Variants in KYNU observed in about 807,000 individuals in gnomAD.
KYNU encodes kynureninase.
KYNU carries 54 observed loss-of-function variants against 59.2 expected under a neutral mutation model. The ratio of observed to expected loss-of-function variants is 0.91; its 90% confidence interval spans 0.73 to 1.14. KYNU has a LOEUF of 1.14. KYNU is among the 50% of genes most tolerant of loss of function. The pLI, the probability that KYNU is intolerant of heterozygous loss-of-function variation, is 0.00. For synonymous variants in KYNU, 177 were observed against 192.0 expected, an observed-to-expected ratio of 0.92 and a Z score of 0.65; for missense variants, 567 against 554.4, an observed-to-expected ratio of 1.02 and a Z score of -0.23.
chr2:143,009,699 A>C (rs1686029293), intron 10 of KYNU, among the ~76,000 whole-genome samples: 1 of 99,406 alleles, frequency 1.0e-5, no homozygotes, highest in Non-Finnish European at 1.8e-5. Context: ...GCACATCAAA[A>C]AGCTTATCCA....
rs1278323246 is a variant in KYNU at position 142,885,372 on chromosome 2, A to G, written c.5A>G (p.Glu2Gly). 6.2e-7 allele frequency: 1 copy of G among 1,613,656 alleles called. No individual in the cohort carries two copies. The highest frequency in any genetic ancestry group is 1.3e-5 in the African/African-American group (1 of 74,884). The change falls in exon 2 of 14, where the codon GAG (glutamate) becomes GGG (glycine). Residue 2 changes from glutamate (E) to glycine (G), a missense_variant. Physicochemically the swap from Glu to Gly is moderately conservative, Grantham distance 98. Coordinates refer to ENST00000264170, the MANE Select transcript of KYNU (RefSeq NM_003937.3). M[E>G]PSSLELPADT... ...AGTTTTAGAGAACAACTTGTAATGG[A>G]GCCTTCATCTCTTGAGCTGCCGGCT...
chr2:143,030,249 C>T (rs542707364), intron 11 of KYNU, among the ~76,000 whole-genome samples: 2 of 152,290 alleles, frequency 1.3e-5, no homozygotes, highest in African/African-American at 4.8e-5. Flanking sequence ...CCTTTTGTGG[C>T]TTTTGCCATG....
intron 9 of KYNU, among the ~76,000 whole-genome samples, chr2:142,985,413 A>G (rs548281647): frequency 3.3e-5 from 5 of 152,024 alleles, no homozygotes; most frequent in African/African-American, 1.2e-4. Context: ...CTTGGCTGCT[A>G]TGAAAAAGTC....
intron 10 of KYNU, among the ~76,000 whole-genome samples, chr2:143,007,710 C>T (rs1336209650): frequency 9.9e-5 from 12 of 121,472 alleles, no homozygotes; most frequent in African/African-American, 1.5e-4. Flanking sequence ...GCGGATCTCT[C>T]GGCAGAAACC....
At chr2:142,984,468 A>G (rs941386286) in intron 8 of KYNU, among the ~76,000 whole-genome samples, 1 of 152,058 alleles carries the variant, frequency 6.6e-6, no homozygotes, top group Admixed American at 6.6e-5. Flanking sequence ...ACACATGTGA[A>G]TCGTCATTGT....
chr2:142,907,046 G>T (rs968864982), intron 2 of KYNU, among the ~76,000 whole-genome samples: 1 of 152,162 alleles, frequency 6.6e-6, no homozygotes, highest in Non-Finnish European at 1.5e-5. Context: ...CCAATTCTAA[G>T]GTAGAGGACA....
chr2:143,024,524 T>C (rs1249504654), intron 10 of KYNU, among the ~76,000 whole-genome samples: 1 of 151,700 alleles, frequency 6.6e-6, no homozygotes, highest in Non-Finnish European at 1.5e-5. Context: ...AGCATTCATG[T>C]ATCATGTTTT....
At chr2:142,951,867 C>T (rs966301932) in intron 4 of KYNU, among the ~76,000 whole-genome samples, 1 of 152,110 alleles carries the variant, frequency 6.6e-6, no homozygotes, top group Non-Finnish European at 1.5e-5. Context: ...GGATTATTTA[C>T]AAAGAATTGG....
chr2:142,912,941 T>C (rs1008369442), intron 2 of KYNU, among the ~76,000 whole-genome samples: 1 of 150,944 alleles, frequency 6.6e-6, no homozygotes, highest in Admixed American at 6.6e-5. Context: ...CTCCATCTCC[T>C]GACCTCGTGA....
chr2:142,960,512 A>G, intron 7 of KYNU, 112 bp from the exon 8 acceptor site: 1 of 953,948 alleles, frequency 1.0e-6, no homozygotes, highest in Non-Finnish European at 1.5e-6. Flanking sequence ...TAATCTGAAA[A>G]AAAAAACTAT....
intron 2 of KYNU, among the ~76,000 whole-genome samples, chr2:142,910,571 A>G (rs1189408971): frequency 6.6e-6 from 1 of 152,046 alleles, no homozygotes; most frequent in Non-Finnish European, 1.5e-5. Flanking sequence ...GAAGCTCTTT[A>G]GTTTAATTAG....
chr2:142,932,948 C>T (rs1310049278), intron 4 of KYNU, among the ~76,000 whole-genome samples: 1 of 152,080 alleles, frequency 6.6e-6, no homozygotes, highest in Non-Finnish European at 1.5e-5. Context: ...CAGGTAAGAG[C>T]ATGGCTGGGT....
chr2:142,940,191 C>CA (rs952382748), intron 4 of KYNU, among the ~76,000 whole-genome samples: 2 of 152,212 alleles, frequency 1.3e-5, no homozygotes, highest in Middle Eastern at 3.4e-3. Flanking sequence ...AATATGTAAA[C>CA]AAAAAAACTG....
chr2:143,011,751 A>C (rs1686105140), intron 10 of KYNU, among the ~76,000 whole-genome samples: 1 of 108,810 alleles, frequency 9.2e-6, no homozygotes, highest in Non-Finnish European at 1.8e-5. Context: ...TGATGAGTTC[A>C]TGTCCTTTGT....
chr2:142,982,789 T>C (rs1200996860), intron 8 of KYNU, among the ~76,000 whole-genome samples: 1 of 152,092 alleles, frequency 6.6e-6, no homozygotes, highest in African/African-American at 2.4e-5. Flanking sequence ...TATCAAAGTA[T>C]GCATATTTTG....
intron 11 of KYNU, 88 bp downstream of exon 11, chr2:143,029,767 C>T (rs975469607): frequency 1.4e-5 from 11 of 803,114 alleles, no homozygotes; most frequent in Non-Finnish European, 2.2e-5. Context: ...AATGTATATG[C>T]CCCAGGGAGA....
chr2:143,002,392 G>T (rs1685729947), intron 10 of KYNU, among the ~76,000 whole-genome samples: 1 of 152,112 alleles, frequency 6.6e-6, no homozygotes, highest in South Asian at 2.1e-4. Flanking sequence ...TTTACTCTTC[G>T]TGTAGTCCCT....
rs74672490 is a variant in KYNU, at chr2:142,914,848, A to G, written c.170-3761A>G. Among the ~76,000 whole-genome samples the G allele has an allele frequency of 9.8e-3, 1,487 of 152,306 alleles. 21 individuals carry two copies. The highest frequency in any genetic ancestry group is 0.035 in the African/African-American group (1,434 of 41,550). On this transcript the variant is annotated intron_variant, in intron 2 of 13. Transcript: ENST00000264170. The stretch of plus-strand genomic sequence containing the variant: ...TGAGGGCAGCCATGTTGCCAGGCAC[A>G]TGTGGGGACAAGAGGAAGACAAGGG...
chr2:142,927,729 A>T lies in KYNU; in HGVS notation c.361A>T (p.Lys121Ter). The change falls in exon 4 of 14, where the codon AAG (lysine) becomes TAG (stop). Residue 121 changes from lysine (K) to a stop codon, truncating the protein, a stop_gained. Coordinates refer to ENST00000264170, the MANE Select transcript of KYNU (RefSeq NM_003937.3). LOFTEE classifies it high-confidence loss of function. ...AGATGAGAGTATTGTAGGCCTTATG[A>T]AGGACATTGTAGGTAAGTACAAAAC... ...TGDESIVGLMKDIVGANEKEI... is the reference protein window; with the variant it reads ...TGDESIVGLM 6.2e-7 allele frequency: 1 copy of T among 1,610,060 alleles called. No individual in the cohort carries two copies. Among genetic ancestry groups the T allele is most frequent in the East Asian group, 2.2e-5 (1 of 44,762 alleles).
Sources: gnomAD v4.1 joint callset for allele counts (sites outside exome capture counted in the v4.1 genomes callset) on GRCh38, gnomAD v4.1.1 for gene constraint, MANE v1.5 for transcripts, NCBI Gene and HGNC (gene_info 2026-07-23, HGNC 2026-07-21) for gene names.